Variants in PDGFC observed in about 807,000 individuals in gnomAD.
PDGFC encodes platelet derived growth factor C.
A neutral mutation model predicts 35.5 loss-of-function variants in PDGFC; 12 were observed. The observed-to-expected ratio is 0.34, with a 90% CI of 0.22 to 0.55. The LOEUF (loss-of-function observed/expected upper bound fraction) is 0.55, where lower values mean the gene tolerates loss of function less well. Among genes scored for constraint, PDGFC ranks in the 20% least tolerant of loss-of-function variants. The pLI, the probability that PDGFC is intolerant of heterozygous loss-of-function variation, is 0.91. For synonymous variants in PDGFC, 159 were observed against 148.8 expected (o/e 1.07, Z -0.50); for missense variants, 322 against 412.4 (o/e 0.78, Z 1.90).
At chr4:156,889,537 G>A (rs889017324) in intron 1 of PDGFC, among the ~76,000 whole-genome samples, 1 of 152,112 alleles carries the variant, frequency 6.6e-6, no homozygotes, top group African/African-American at 2.4e-5. Context: ...GCCATACTGC[G>A]TTTCTTAACA....
At position 156,824,309 on chromosome 4, in the gene PDGFC, TATATATATATATATATATACACACACAC is replaced by T. The variant is rs1245379485; in HGVS notation, c.315-13320_315-13293del. ...GCATATATATATATATATATATATA[TATATATATATATATATATACACACACAC>T]ACACACACACACATATACACACATA... is the stretch of plus-strand genomic sequence containing the variant. On this transcript the variant is annotated intron_variant, in intron 2 of 5. Coordinates refer to ENST00000502773, the MANE Select transcript of PDGFC (RefSeq NM_016205.3). Among the ~76,000 whole-genome samples, 212 of 42,404 alleles carry T rather than the reference TATATATATATATATATATACACACACAC, an allele frequency of 5.0e-3. 3 individuals are homozygous for T. The highest frequency in any genetic ancestry group is 0.017 in the African/African-American group (199 of 11,592). The allele number at this position is 42,404 out of a possible 152,430, so 27.8% of individuals were successfully genotyped here.
intron 3 of PDGFC, among the ~76,000 whole-genome samples, chr4:156,794,231 A>G (rs1247938405): frequency 1.3e-5 from 2 of 152,186 alleles, no homozygotes; most frequent in Non-Finnish European, 2.9e-5. Context: ...TACAGCTTAC[A>G]CATTCAACCA....
intron 4 of PDGFC, chr4:156,770,434 T>A (rs919066596): frequency 3.3e-5 from 5 of 152,100 alleles, no homozygotes; most frequent in Admixed American, 1.3e-4. Flanking sequence ...CTTCATTAAG[T>A]TAAGTCATAT....
At chr4:156,906,726 T>A (rs1229861114) in intron 1 of PDGFC, among the ~76,000 whole-genome samples, 1 of 152,198 alleles carries the variant, frequency 6.6e-6, no homozygotes, top group Non-Finnish European at 1.5e-5. Flanking sequence ...CATTTCCTCT[T>A]TGCAGACTTA....
At chr4:156,837,318 G>C (rs1729086434) in intron 2 of PDGFC, among the ~76,000 whole-genome samples, 1 of 152,176 alleles carries the variant, frequency 6.6e-6, no homozygotes, top group African/African-American at 2.4e-5. Flanking sequence ...GTTGGAGGCT[G>C]CAGTGAGCCG....
intron 1 of PDGFC, among the ~76,000 whole-genome samples, chr4:156,865,251 A>T (rs1433612343): frequency 6.6e-6 from 1 of 151,942 alleles, no homozygotes; most frequent in Admixed American, 6.6e-5. Flanking sequence ...TCCAGCATGA[A>T]CACAGGGGTA....
Position 156,821,582 on chromosome 4 carries a change from C to T in PDGFC, c.315-10565G>A, listed in dbSNP as rs572110760. ...TATCTTTTCGAGACAGGGTCTTGCT[C>T]TGTAGCCCAGGCTGGAGTGCAGTGG... On this transcript the variant is annotated intron_variant, in intron 2 of 5. Coordinates refer to ENST00000502773, the MANE Select transcript of PDGFC (RefSeq NM_016205.3). 1.3e-4 allele frequency among the ~76,000 whole-genome samples: 20 copies of T among 152,218 alleles called. No homozygotes were observed. The East Asian group carries it at 3.5e-3, about 27-fold the overall frequency.
At position 156,924,689 on chromosome 4, in the gene PDGFC, C is replaced by A. The variant is rs554404980; in HGVS notation, c.118+46097G>T. Among the ~76,000 whole-genome samples, 3 of 152,316 alleles carry A rather than the reference C, an allele frequency of 2.0e-5. No individual in the cohort carries two copies. In the South Asian group the frequency reaches 6.2e-4, roughly 32 times the overall value. ...GTGAAGGGTCCCTTATCATGAACAA[C>A]CACCATTGTGAGCAACTTCAGTAAA... On this transcript the variant is annotated intron_variant, in intron 1 of 5. Coordinates refer to ENST00000502773, the MANE Select transcript of PDGFC (RefSeq NM_016205.3).
At position 156,970,974 on chromosome 4, in the gene PDGFC, C is replaced by T; in HGVS notation, c.-71G>A. On this transcript the variant is annotated 5_prime_UTR_variant, in exon 1 of 6. The change creates a premature stop within an existing upstream ORF in the 5' untranslated region. Transcript: ENST00000502773. Reference sequence around the variant, plus strand: ...GCAGCGACTCCCGAGTCTCTTTCACCACCGCCAGGGGAAGGCTGCACTGGG... The same window carrying T: ...GCAGCGACTCCCGAGTCTCTTTCACTACCGCCAGGGGAAGGCTGCACTGGG... 1.0e-6 allele frequency: 1 copy of T among 959,468 alleles called. No individual in the cohort carries two copies. Among genetic ancestry groups the T allele is most frequent in the South Asian group, 1.4e-5 (1 of 73,770 alleles). The allele number at this position is 959,468 out of a possible 1,614,324, so 59.4% of individuals were successfully genotyped here.
intron 2 of PDGFC, among the ~76,000 whole-genome samples, chr4:156,826,181 T>A (rs1365045122): frequency 1.1e-5 from 1 of 91,902 alleles, no homozygotes; most frequent in African/African-American, 6.9e-5. Context: ...TGGATTTTTT[T>A]TTTTTTTTTT....
chr4:156,838,003 T>A (rs968489154), intron 2 of PDGFC, among the ~76,000 whole-genome samples: 1 of 152,116 alleles, frequency 6.6e-6, no homozygotes, highest in Non-Finnish European at 1.5e-5. Context: ...CAAAAGTAAT[T>A]GCTACAGAGT....
At chr4:156,960,899 T>A (rs1732328201) in intron 1 of PDGFC, among the ~76,000 whole-genome samples, 2 of 152,100 alleles carry the variant, frequency 1.3e-5, no homozygotes, top group Admixed American at 1.3e-4. Context: ...TTACTGTGTT[T>A]TTCCTATGTT....
chr4:156,894,330 C>T (rs1289360368), intron 1 of PDGFC, among the ~76,000 whole-genome samples: 1 of 152,118 alleles, frequency 6.6e-6, no homozygotes, highest in Admixed American at 6.5e-5. Flanking sequence ...TTCTAACTTC[C>T]TAACTGGGCA....
At chr4:156,775,306 T>C (rs1049417844) in intron 3 of PDGFC, among the ~76,000 whole-genome samples, 1 of 152,116 alleles carries the variant, frequency 6.6e-6, no homozygotes, top group Non-Finnish European at 1.5e-5. Context: ...TACAAATGTT[T>C]TATAAAGTAA....
chr4:156,799,654 T>A (rs1175907258), intron 3 of PDGFC, among the ~76,000 whole-genome samples: 1 of 152,182 alleles, frequency 6.6e-6, no homozygotes, highest in Non-Finnish European at 1.5e-5. Flanking sequence ...AGAATACAGT[T>A]CTGAAAAATT....
At chr4:156,869,287 T>G (rs1380074457) in intron 1 of PDGFC, among the ~76,000 whole-genome samples, 1 of 151,776 alleles carries the variant, frequency 6.6e-6, no homozygotes, top group Non-Finnish European at 1.5e-5. Flanking sequence ...ATACAAAAAA[T>G]TAGCCAGGCA....
At chr4:156,953,911 T>G (rs1307914088) in intron 1 of PDGFC, among the ~76,000 whole-genome samples, 1 of 151,952 alleles carries the variant, frequency 6.6e-6, no homozygotes, top group South Asian at 2.1e-4. Flanking sequence ...CTATCCTCAC[T>G]AAATGCCATT....
At chr4:156,906,023 TAC>T (rs1730907607) in intron 1 of PDGFC, among the ~76,000 whole-genome samples, 1 of 152,190 alleles carries the variant, frequency 6.6e-6, no homozygotes, top group Non-Finnish European at 1.5e-5. Flanking sequence ...TGTGTAAGTA[TAC>T]ACAGAGATAT....
At chr4:156,811,114 C>A in intron 2 of PDGFC, 97 bp from the exon 3 acceptor site, 1 of 662,716 alleles carries the variant, frequency 1.5e-6, no homozygotes, top group Non-Finnish European at 2.4e-6. Flanking sequence ...CTACGGACCA[C>A]AGCAGTGAGT....
Sources: allele counts gnomAD v4.1 joint callset (sites outside exome capture counted in the v4.1 genomes callset), GRCh38; gene constraint gnomAD v4.1.1; transcripts MANE v1.5; gene names NCBI Gene and HGNC (gene_info 2026-07-23, HGNC 2026-07-21).